Variants in DNAJC15 observed in about 807,000 individuals in gnomAD.
The protein encoded by DNAJC15 is DnaJ heat shock protein family (Hsp40) member C15.
In DNAJC15, 27 loss-of-function variants were observed where a neutral mutation model predicts 22.4. That is an observed-to-expected ratio of 1.20 (90% CI 0.89 to 1.66). The LOEUF is 1.66. DNAJC15 is among the 40% of genes most tolerant of loss of function. The pLI, the probability that DNAJC15 is intolerant of heterozygous loss-of-function variation, is 0.00. For synonymous variants in DNAJC15, 79 were observed against 63.2 expected (o/e 1.25, Z -1.19); for missense variants, 208 against 187.1 (o/e 1.11, Z -0.65).
intron 3 of DNAJC15, among the ~76,000 whole-genome samples, chr13:43,073,247 G>A (rs1171239575): frequency 6.6e-6 from 1 of 152,220 alleles, no homozygotes; most frequent in African/African-American, 2.4e-5. Context: ...AGGTGGGTTT[G>A]TTAACAGGCA....
rs1173502700 is a variant in DNAJC15 at position 43,108,530 on chromosome 13, TA to T, written c.*1286del. 6 of 152,196 alleles carry T rather than the reference TA, an allele frequency of 3.9e-5. No individual in the cohort carries two copies. The South Asian group carries it at 8.3e-4, about 21-fold the overall frequency. 9.4% of individuals were successfully genotyped at this position (152,196 alleles called of 1,614,324 possible). On this transcript the variant is annotated 3_prime_UTR_variant, in exon 6 of 6. Transcript: ENST00000379221. The stretch of plus-strand genomic sequence containing the variant: ...CTGAACTACTGCATTGTTTCTATCT[TA>T]AAATACTTTTTAGATATCCTAGATG...
intron 1 of DNAJC15, among the ~76,000 whole-genome samples, chr13:43,044,047 C>G (rs191635934): frequency 2.0e-5 from 3 of 152,084 alleles, no homozygotes; most frequent in Non-Finnish European, 4.4e-5. Context: ...AAATTCTCCT[C>G]CCCTCCTTAT....
intron 1 of DNAJC15, among the ~76,000 whole-genome samples, chr13:43,048,300 A>G (rs953795159): frequency 6.6e-6 from 1 of 150,782 alleles, no homozygotes; most frequent in Non-Finnish European, 1.5e-5. Flanking sequence ...ACCAAAATGG[A>G]GAAACCTCGT....
At position 43,111,831 on chromosome 13, in the gene DNAJC15, C is replaced by T. The variant is rs2040826159; in HGVS notation, c.*4583C>T. 1 of 152,128 alleles carries T rather than the reference C, an allele frequency of 6.6e-6. No homozygotes were observed. Among genetic ancestry groups the T allele is most frequent in the Admixed American group, 6.5e-5 (1 of 15,268 alleles). The allele number at this position is 152,128 out of a possible 1,614,324, so 9.4% of individuals were successfully genotyped here. A position where few individuals can be genotyped will look rare whatever the true frequency, so the allele number is the denominator to read the frequency against. On this transcript the variant is annotated 3_prime_UTR_variant, in exon 6 of 6. Transcript: ENST00000379221. ...TCCGTCCCTTCTAATGGAAAAGCAACCCAAAGAGCAAATCCTATTAATGGC... is the reference window on the plus strand; with the variant it reads ...TCCGTCCCTTCTAATGGAAAAGCAATCCAAAGAGCAAATCCTATTAATGGC...
intron 1 of DNAJC15, among the ~76,000 whole-genome samples, chr13:43,048,319 AAAATAC>A (rs1466143439): frequency 7.9e-6 from 1 of 127,084 alleles, no homozygotes; most frequent in Non-Finnish European, 1.7e-5. Flanking sequence ...GTCTCTACTA[AAAATAC>A]AAAAAAAAAA....
intron 3 of DNAJC15, among the ~76,000 whole-genome samples, chr13:43,077,962 A>G (rs767074415): frequency 6.6e-6 from 1 of 152,142 alleles, no homozygotes; most frequent in African/African-American, 2.4e-5. Context: ...GCACCTTTCT[A>G]TTCTCTACAT....
intron 4 of DNAJC15, among the ~76,000 whole-genome samples, chr13:43,084,106 G>T (rs149231598): frequency 1.3e-5 from 2 of 152,274 alleles, no homozygotes; most frequent in African/African-American, 4.8e-5. Flanking sequence ...GTTCAAAATA[G>T]AACTTAAATG....
intron 1 of DNAJC15, among the ~76,000 whole-genome samples, chr13:43,047,206 C>T (rs1445444535): frequency 2.6e-5 from 4 of 152,154 alleles, no homozygotes; most frequent in African/African-American, 2.4e-5. Context: ...TAGAAAATGA[C>T]GCTTTGCTAG....
intron 3 of DNAJC15, among the ~76,000 whole-genome samples, chr13:43,072,069 A>G (rs994276917): frequency 2.6e-5 from 4 of 152,214 alleles, no homozygotes; most frequent in African/African-American, 9.6e-5. Context: ...GCATTCCTGC[A>G]TACTCACAGC....
At chr13:43,097,318 T>TA (rs2040744482) in intron 5 of DNAJC15, among the ~76,000 whole-genome samples, 1 of 152,040 alleles carries the variant, frequency 6.6e-6, no homozygotes, top group African/African-American at 2.4e-5. Context: ...AACGAGAACA[T>TA]ATGGTTTGTT....
rs996368614 is a variant in DNAJC15, at chr13:43,105,034, A to G, written c.383-2144A>G. On this transcript the variant is annotated intron_variant, in intron 5 of 5. Transcript: ENST00000379221. ...AAATTTAGGGTATGCATCCTATCCT[A>G]TGTTATCAGTCAGGATTCACTGCCA... Among the ~76,000 whole-genome samples, 3 of 151,490 alleles carry G rather than the reference A, an allele frequency of 2.0e-5. No individual in the cohort carries two copies. The South Asian group carries it at 6.3e-4, about 32-fold the overall frequency.
At chr13:43,060,280 G>A (rs1410430143) in intron 1 of DNAJC15, among the ~76,000 whole-genome samples, 1 of 152,144 alleles carries the variant, frequency 6.6e-6, no homozygotes, top group Non-Finnish European at 1.5e-5. Context: ...AAGATTTTGG[G>A]GTAAGGGGTA....
chr13:43,098,733 A>C (rs1275163624), intron 5 of DNAJC15, among the ~76,000 whole-genome samples: 1 of 152,180 alleles, frequency 6.6e-6, no homozygotes, highest in Non-Finnish European at 1.5e-5. Context: ...TTCTCAGTTC[A>C]GTTTCATTGA....
intron 5 of DNAJC15, among the ~76,000 whole-genome samples, chr13:43,104,629 C>A (rs2040787173): frequency 6.6e-6 from 1 of 151,838 alleles, no homozygotes; most frequent in Non-Finnish European, 1.5e-5. Context: ...ACTGAATTCC[C>A]CTAGAAAACT....
intron 5 of DNAJC15, among the ~76,000 whole-genome samples, chr13:43,087,088 A>C (rs2040692151): frequency 6.6e-6 from 1 of 152,204 alleles, no homozygotes; most frequent in Non-Finnish European, 1.5e-5. Flanking sequence ...TGCATGATTT[A>C]ATAACCTTTT....
intron 1 of DNAJC15, among the ~76,000 whole-genome samples, chr13:43,032,297 T>G (rs992101781): frequency 3.3e-5 from 5 of 152,212 alleles, no homozygotes; most frequent in Admixed American, 3.3e-4. Context: ...AATTGATTGG[T>G]GAATGCATAT....
intron 1 of DNAJC15, among the ~76,000 whole-genome samples, chr13:43,045,455 A>G (rs964322372): frequency 6.6e-6 from 1 of 152,214 alleles, no homozygotes; most frequent in Admixed American, 6.5e-5. Context: ...CGGGCACACA[A>G]CACTAAAGAT....
chr13:43,098,653 C>T (rs1296673808), intron 5 of DNAJC15, among the ~76,000 whole-genome samples: 1 of 152,210 alleles, frequency 6.6e-6, no homozygotes, highest in Non-Finnish European at 1.5e-5. Context: ...GCAAACATCG[C>T]ACTCAATTTT....
intron 3 of DNAJC15, among the ~76,000 whole-genome samples, chr13:43,078,332 C>G (rs1261987414): frequency 6.6e-6 from 1 of 152,162 alleles, no homozygotes; most frequent in Non-Finnish European, 1.5e-5. Flanking sequence ...AGAAAAAGTT[C>G]AAGCATTTTG....
Sources: allele counts gnomAD v4.1 joint callset (sites outside exome capture counted in the v4.1 genomes callset), GRCh38; gene constraint gnomAD v4.1.1; transcripts MANE v1.5; gene names NCBI Gene and HGNC (gene_info 2026-07-23, HGNC 2026-07-21).